The following COG6 variants were observed in gnomAD, a reference collection of about 807,000 sequenced individuals.
The protein encoded by COG6 is component of oligomeric golgi complex 6.
In COG6, 74 loss-of-function variants were observed where a neutral mutation model predicts 88.8. The observed-to-expected ratio is 0.83, with a 90% CI of 0.69 to 1.01. COG6 has a LOEUF of 1.01. Among genes scored for constraint, COG6 ranks in the 50% least tolerant of loss-of-function variants. The pLI is 0.00. For synonymous variants in COG6, 286 were observed against 278.7 expected (o/e 1.03, Z -0.26); for missense variants, 800 against 797.9 (o/e 1.00, Z -0.03).
rs1879847110 is a variant in COG6, at chr13:39,737,892, C to T, written c.1826+10344C>T. Among the ~76,000 whole-genome samples the T allele has an allele frequency of 3.3e-5, 5 of 152,126 alleles. No individual in the cohort carries two copies. In the South Asian group the frequency reaches 1.0e-3, roughly 32 times the overall value. On this transcript the variant is annotated intron_variant, in intron 18 of 18. Coordinates refer to ENST00000455146, the MANE Select transcript of COG6 (RefSeq NM_020751.3). ...GGTCTAAATGCTCCCTCTGTGGATG[C>T]TGGCTGAGTTCTGCCTGGTGTTGCT...
intron 13 of COG6, among the ~76,000 whole-genome samples, chr13:39,711,511 TAAGAACAGTGGGACCTTTGGAAGG>T: frequency 5.2e-5 from 1 of 19,386 alleles, no homozygotes; most frequent in Admixed American, 1.2e-3. Flanking sequence ...CTGCCCCTTC[TAAGAACAGTGGGACCTTTGGAAGG>T]TTATTTAATC....
Position 39,723,942 on chromosome 13 carries a change from A to G in COG6, c.1692+502A>G, listed in dbSNP as rs374782421. 3.6e-3 allele frequency among the ~76,000 whole-genome samples: 547 copies of G among 152,058 alleles called. 3 individuals carry two copies. Among genetic ancestry groups the G allele is most frequent in the Non-Finnish European group, 6.2e-3 (423 of 67,930 alleles). ...CTGGGGCCAGCATATGATCTTATTA[A>G]ATTATAGAACCCTAGTAGAAATAAA... On this transcript the variant is annotated intron_variant, in intron 16 of 18. Coordinates refer to ENST00000455146, the MANE Select transcript of COG6 (RefSeq NM_020751.3).
chr13:39,777,151 A>G (rs1035957461), intron 18 of COG6, among the ~76,000 whole-genome samples: 2 of 152,138 alleles, frequency 1.3e-5, no homozygotes, highest in African/African-American at 4.8e-5. Flanking sequence ...GTTAAATATG[A>G]CCCTGCCACT....
intron 18 of COG6, among the ~76,000 whole-genome samples, chr13:39,762,389 C>T (rs2138165594): frequency 6.6e-6 from 1 of 151,864 alleles, no homozygotes; most frequent in South Asian, 2.1e-4. Context: ...TGGGGATAGT[C>T]AGAGGTTGGT....
chr13:39,689,050 G>A (rs529832722), intron 10 of COG6, among the ~76,000 whole-genome samples: 1 of 152,334 alleles, frequency 6.6e-6, no homozygotes, highest in East Asian at 1.9e-4. Flanking sequence ...GGCACAAAGT[G>A]TGCATCGTTA....
chr13:39,788,201 A>G (rs1881833362), intron 18 of COG6: 3 of 896,202 alleles, frequency 3.3e-6, no homozygotes, highest in Non-Finnish European at 5.4e-6. Context: ...ACTCCACCAC[A>G]TGGTAATCAG....
intron 18 of COG6, among the ~76,000 whole-genome samples, chr13:39,784,181 A>G (rs1168300950): frequency 6.6e-6 from 1 of 152,194 alleles, no homozygotes; most frequent in Non-Finnish European, 1.5e-5. Context: ...AAGAGCTTCT[A>G]TTCATGGAAC....
chr13:39,780,017 A>T (rs540084043), intron 18 of COG6, among the ~76,000 whole-genome samples: 1 of 152,322 alleles, frequency 6.6e-6, no homozygotes, highest in Non-Finnish European at 1.5e-5. Context: ...ATTTTAACCC[A>T]TGCAGGACTT....
chr13:39,774,987 TA>T (rs1881422747), intron 18 of COG6, among the ~76,000 whole-genome samples: 1 of 152,172 alleles, frequency 6.6e-6, no homozygotes, highest in Non-Finnish European at 1.5e-5. Context: ...AAAGAGGCTA[TA>T]AAAATGCAAA....
chr13:39,691,098 AT>A (rs998439045), intron 11 of COG6, among the ~76,000 whole-genome samples: 14 of 151,632 alleles, frequency 9.2e-5, no homozygotes, highest in African/African-American at 3.1e-4. Context: ...TCTTTTTACA[AT>A]TTTTCTAATT....
At chr13:39,762,755 A>G (rs1055634974) in intron 18 of COG6, among the ~76,000 whole-genome samples, 1 of 143,674 alleles carries the variant, frequency 7.0e-6, no homozygotes, top group African/African-American at 2.6e-5. Context: ...TTGAGACAAA[A>G]TAAGAGTTTT....
intron 13 of COG6, among the ~76,000 whole-genome samples, chr13:39,708,068 G>A (rs564375745): frequency 2.0e-5 from 3 of 152,148 alleles, no homozygotes; most frequent in Non-Finnish European, 1.5e-5. Flanking sequence ...TTAATTTTAG[G>A]CATTGTAGAA....
chr13:39,782,625 AG>A, intron 18 of COG6, among the ~76,000 whole-genome samples: 1 of 152,266 alleles, frequency 6.6e-6, no homozygotes, highest in South Asian at 2.1e-4. Context: ...TGAAAATGAG[AG>A]CTACACCTGT....
At chr13:39,671,211 T>A (rs537285567) in intron 4 of COG6, among the ~76,000 whole-genome samples, 32 of 152,078 alleles carry the variant, frequency 2.1e-4, no homozygotes, top group African/African-American at 7.5e-4. Flanking sequence ...GTGATTATGA[T>A]CATGCTGTAA....
chr13:39,788,602 G>A (rs1881847134), exon 19 of COG6: 5 of 511,472 alleles, frequency 9.8e-6, no homozygotes, highest in African/African-American at 1.9e-5. Context: ...AGCATGTAGA[G>A]TTGCTGTGTG....
intron 3 of COG6, among the ~76,000 whole-genome samples, chr13:39,664,602 G>C (rs1477358989): frequency 6.6e-6 from 1 of 152,202 alleles, no homozygotes; most frequent in East Asian, 1.9e-4. Context: ...GATGGGGCTA[G>C]CTCTGATCCT....
intron 13 of COG6, among the ~76,000 whole-genome samples, chr13:39,717,551 G>C (rs1878595259): frequency 6.6e-6 from 1 of 151,924 alleles, no homozygotes; most frequent in South Asian, 2.1e-4. Context: ...TAAGTTCGCT[G>C]ATTATTTATT....
chr13:39,727,333 T>C (rs1166093958), intron 17 of COG6, 136 bp from the exon 18 acceptor site: 2 of 712,240 alleles, frequency 2.8e-6, no homozygotes, highest in Non-Finnish European at 5.0e-6. Context: ...AAATACACAA[T>C]TTGAACACAA....
chr13:39,682,918 T>C lies in COG6; in HGVS notation c.788+654T>C, dbSNP rs532172669. Among the ~76,000 whole-genome samples, 3 of 152,226 alleles carry C rather than the reference T, an allele frequency of 2.0e-5. No homozygotes were observed. In the South Asian group the frequency reaches 6.2e-4, roughly 32 times the overall value. ...TAGGTAGATGTAGGGGTTGATGATA[T>C]TAATAATTCTGAAAACAGGAAACGA... On this transcript the variant is annotated intron_variant, in intron 8 of 18. Transcript: ENST00000455146.
Sources: allele counts gnomAD v4.1 joint callset (sites outside exome capture counted in the v4.1 genomes callset), GRCh38; gene constraint gnomAD v4.1.1; transcripts MANE v1.5; gene names NCBI Gene and HGNC (gene_info 2026-07-23, HGNC 2026-07-21).